The following REL variants were observed in gnomAD, a reference collection of about 807,000 sequenced individuals.
The protein encoded by REL is proto-oncogene c-Rel.
A neutral mutation model predicts 45.9 loss-of-function variants in REL; 15 were observed. The observed-to-expected ratio is 0.33, with a 90% CI of 0.22 to 0.50. The LOEUF (loss-of-function observed/expected upper bound fraction) is 0.50, where lower values mean the gene tolerates loss of function less well. Among genes scored for constraint, REL ranks in the 20% least tolerant of loss-of-function variants. The pLI, the probability that REL is intolerant of heterozygous loss-of-function variation, is 0.98. For synonymous variants in REL, 239 were observed against 242.1 expected, an observed-to-expected ratio of 0.99 and a Z score of 0.12; for missense variants, 601 against 715.2, an observed-to-expected ratio of 0.84 and a Z score of 1.82.
chr2:60,912,246 G>A (rs779626215), intron 4 of REL, among the ~76,000 whole-genome samples: 1 of 151,964 alleles, frequency 6.6e-6, no homozygotes, highest in Non-Finnish European at 1.5e-5. Flanking sequence ...CTGTGACCCT[G>A]AACTGGAATA....
At chr2:60,906,339 C>G (rs762320034) in intron 4 of REL, among the ~76,000 whole-genome samples, 9 of 152,094 alleles carry the variant, frequency 5.9e-5, no homozygotes, top group Admixed American at 5.9e-4. Context: ...CTTTTTCTTT[C>G]TCTCTTGCAT....
rs1261323680 is a variant in REL, at chr2:60,922,005, C to A, written c.1234C>A (p.Pro412Thr). 2 of 1,614,178 alleles carry A rather than the reference C, an allele frequency of 1.2e-6. No homozygotes were observed. Among genetic ancestry groups the A allele is most frequent in the East Asian group, 4.5e-5 (2 of 44,886 alleles). The change falls in exon 10 of 10, where the codon CCA becomes ACA. Residue 412 changes from proline (P) to threonine (T), a missense_variant. Coordinates refer to ENST00000394479, the MANE Select transcript of REL (RefSeq NM_001291746.2). ...ACTTCCTTCTAATTCGCAAGGTATC[C>A]CACCATTCCTGAGAATACCTGTTGG... ...RTLPSNSQGI[P>T]PFLRIPVGND... is the part of the protein sequence containing the mutation.
Position 60,922,866 on chromosome 2 carries a change from A to C in REL, c.*331A>C, listed in dbSNP as rs1674182425. 1 of 286,390 alleles carries C rather than the reference A, an allele frequency of 3.5e-6. No homozygotes were observed. Among genetic ancestry groups the C allele is most frequent in the Admixed American group, 5.8e-5 (1 of 17,244 alleles). The allele number at this position is 286,390 out of a possible 1,614,324, so 17.7% of individuals were successfully genotyped here. A position where few individuals can be genotyped will look rare whatever the true frequency, so the allele number is the denominator to read the frequency against. On this transcript the variant is annotated 3_prime_UTR_variant, in exon 10 of 10. Transcript: ENST00000394479. ...CGAGACCAGCCTGGCCAACATGGTG[A>C]AACCCCGTCTCTACTAAAAATACAA...
At chr2:60,909,021 G>C (rs1673733798) in intron 4 of REL, among the ~76,000 whole-genome samples, 1 of 152,248 alleles carries the variant, frequency 6.6e-6, no homozygotes, top group South Asian at 2.1e-4. Flanking sequence ...CTTTATTGCA[G>C]TCAGAGTTTT....
intron 3 of REL, among the ~76,000 whole-genome samples, chr2:60,898,453 G>A (rs141471467): frequency 6.6e-6 from 1 of 152,068 alleles, no homozygotes; most frequent in Non-Finnish European, 1.5e-5. Context: ...AGGGGTCTTT[G>A]TGTGGCCTGT....
intron 3 of REL, chr2:60,899,385 G>A (rs1031443357): frequency 3.3e-5 from 5 of 152,238 alleles, no homozygotes; most frequent in Non-Finnish European, 5.9e-5. Flanking sequence ...TCAGGAGGCT[G>A]AGGTGGGAGG....
At chr2:60,915,042 A>G (rs1199723193) in intron 4 of REL, among the ~76,000 whole-genome samples, 1 of 152,014 alleles carries the variant, frequency 6.6e-6, no homozygotes, top group Non-Finnish European at 1.5e-5. Flanking sequence ...CGTGTTAGCC[A>G]GGATGGTCTC....
intron 4 of REL, among the ~76,000 whole-genome samples, chr2:60,914,872 C>T (rs1294428024): frequency 8.9e-5 from 12 of 135,030 alleles, no homozygotes; most frequent in Admixed American, 2.5e-4. Context: ...CTTGCTCTGT[C>T]GCCCAGGCTG....
intron 1 of REL, among the ~76,000 whole-genome samples, 188 bp downstream of exon 1, chr2:60,882,038 C>T (rs1444009253): frequency 6.6e-6 from 1 of 152,170 alleles, no homozygotes; most frequent in Non-Finnish European, 1.5e-5. Flanking sequence ...ATCCAAGCCA[C>T]GCTCTGTAAT....
intron 4 of REL, among the ~76,000 whole-genome samples, chr2:60,905,002 A>T (rs938389216): frequency 4.6e-5 from 7 of 152,150 alleles, no homozygotes; most frequent in Admixed American, 6.5e-5. Flanking sequence ...TAACAACTCT[A>T]CCATGCCGCC....
chr2:60,927,033 G>A lies in REL; in HGVS notation c.*4498G>A, dbSNP rs1241987548. 4.4e-6 allele frequency: 1 copy of A among 228,028 alleles called. No individual in the cohort carries two copies. Among genetic ancestry groups the A allele is most frequent in the Non-Finnish European group, 8.7e-6 (1 of 114,842 alleles). 14.1% of individuals were successfully genotyped at this position (228,028 alleles called of 1,614,324 possible). On this transcript the variant is annotated 3_prime_UTR_variant, in exon 10 of 10. Coordinates refer to ENST00000394479, the MANE Select transcript of REL (RefSeq NM_001291746.2). Reference sequence around the variant, plus strand: ...TTCTGGAACTAGAACACTCATCCTTGAAGGCTGGGCTTCTGTATGAAGGTT... The same window carrying A: ...TTCTGGAACTAGAACACTCATCCTTAAAGGCTGGGCTTCTGTATGAAGGTT...
At position 60,922,459 on chromosome 2, in the gene REL, G is replaced by A. The variant is rs770726535; in HGVS notation, c.1688G>A (p.Ser563Asn). The A allele has an allele frequency of 9.9e-6, 16 of 1,613,778 alleles. No homozygotes were observed. Among genetic ancestry groups the A allele is most frequent in the Non-Finnish European group, 1.4e-5 (16 of 1,179,980 alleles). The change falls in exon 10 of 10, where the codon AGT (serine) becomes AAT (asparagine). Residue 563 changes from serine (S) to asparagine (N), a missense_variant. Physicochemically the swap from Ser to Asn is conservative, Grantham distance 46. Transcript: ENST00000394479. ...AACAGTCATGGTTTTGTTCAAGATA[G>A]TCAGTATTCAGGTATTGGCAGTATG... ...NPNSHGFVQD[S>N]QYSGIGSMQN...
chr2:60,916,853 A>G (rs1424529664), intron 4 of REL, 24 bp from the exon 5 acceptor site: 1 of 1,588,906 alleles, frequency 6.3e-7, no homozygotes, highest in African/African-American at 1.3e-5. Context: ...TATTACATTT[A>G]AAAAATTTTT....
chr2:60,883,340 C>T (rs188695395), intron 1 of REL, among the ~76,000 whole-genome samples: 2 of 152,254 alleles, frequency 1.3e-5, no homozygotes, highest in East Asian at 3.9e-4. Context: ...GGGTGTTTCA[C>T]ATGACATTTG....
chr2:60,888,461 A>G (rs113439532), intron 1 of REL, among the ~76,000 whole-genome samples: 1,726 of 152,320 alleles, frequency 0.011, 40 homozygotes, highest in African/African-American at 0.039. Flanking sequence ...AGGAAAATAT[A>G]CTTTCTTAAA....
intron 2 of REL, among the ~76,000 whole-genome samples, chr2:60,893,257 A>G (rs1673265063): frequency 6.6e-6 from 1 of 152,222 alleles, no homozygotes; most frequent in Non-Finnish European, 1.5e-5. Flanking sequence ...TACAAAATCT[A>G]TTCTGTTGAT....
intron 2 of REL, among the ~76,000 whole-genome samples, chr2:60,892,581 A>T (rs1161954569): frequency 6.6e-6 from 1 of 151,584 alleles, no homozygotes; most frequent in African/African-American, 2.4e-5. Context: ...GACGCCCACC[A>T]CCACGCCCAG....
rs1396198341 is a variant in REL at position 60,924,730 on chromosome 2, T to C, written c.*2195T>C. ...GATTGAGTAACACTTATAACACATT[T>C]CCTTTTCAAAGTGCAAGATTTTTAA... On this transcript the variant is annotated 3_prime_UTR_variant, in exon 10 of 10. Transcript: ENST00000394479. 1 of 210,340 alleles carries C rather than the reference T, an allele frequency of 4.8e-6. No individual in the cohort carries two copies. The highest frequency in any genetic ancestry group is 9.7e-6 in the Non-Finnish European group (1 of 103,560). The allele number at this position is 210,340 out of a possible 1,614,324, so 13.0% of individuals were successfully genotyped here. A position where few individuals can be genotyped will look rare whatever the true frequency, so the allele number is the denominator to read the frequency against.
chr2:60,892,929 A>G (rs1038672427), intron 2 of REL, among the ~76,000 whole-genome samples: 5 of 150,158 alleles, frequency 3.3e-5, no homozygotes, highest in Non-Finnish European at 7.4e-5. Context: ...TAATTTTTGT[A>G]TTTTTAGTAG....
Sources: allele counts gnomAD v4.1 joint callset (sites outside exome capture counted in the v4.1 genomes callset), GRCh38; gene constraint gnomAD v4.1.1; transcripts MANE v1.5; gene names NCBI Gene and HGNC (gene_info 2026-07-23, HGNC 2026-07-21).